Variants in CPA5 observed in about 807,000 individuals in gnomAD.
CPA5 encodes the protein carboxypeptidase A5.
Under a neutral mutation model 52.2 loss-of-function variants are expected in CPA5, and 38 were observed. The observed-to-expected ratio is 0.73, with a 90% CI of 0.56 to 0.95. The LOEUF (loss-of-function observed/expected upper bound fraction) is 0.95. CPA5 is among the 40% of genes least tolerant of loss of function. CPA5 has a pLI of 0.00. For missense variants in CPA5, 519 were observed against 566.7 expected (o/e 0.92, Z 0.86); for synonymous variants, 198 against 213.7 (o/e 0.93, Z 0.64).
chr7:130,369,465 G>C (rs1167796479), downstream of CPA5, among the ~76,000 whole-genome samples: 13 of 152,220 alleles, frequency 8.5e-5, no homozygotes, highest in African/African-American at 2.9e-4. Flanking sequence ...CTGGCAGGCT[G>C]TACTATGCAG....
intron 5 of CPA5, among the ~76,000 whole-genome samples, chr7:130,357,862 G>C (rs1211357890): frequency 1.3e-5 from 2 of 151,916 alleles, no homozygotes; most frequent in Non-Finnish European, 2.9e-5. Flanking sequence ...GTTTTTAGCT[G>C]TTGTTAACAC....
downstream of CPA5, among the ~76,000 whole-genome samples, chr7:130,373,310 A>G (rs747632882): frequency 1.4e-4 from 21 of 151,344 alleles, no homozygotes; most frequent in Non-Finnish European, 2.7e-4. Flanking sequence ...TCTTTTTCCA[A>G]CAAACTGCTC....
At chr7:130,362,842 G>A in intron 8 of CPA5, 42 bp from the exon 9 acceptor site, 1 of 1,332,742 alleles carries the variant, frequency 7.5e-7, no homozygotes, top group Non-Finnish European at 1.1e-6. Flanking sequence ...CCTCCCAGGA[G>A]ACCCAGTAGG....
intron 10 of CPA5, among the ~76,000 whole-genome samples, chr7:130,365,706 T>C (rs1181027884): frequency 6.6e-6 from 1 of 152,244 alleles, no homozygotes; most frequent in Non-Finnish European, 1.5e-5. Flanking sequence ...CCAGAACTAA[T>C]GGCCTAAAGT....
chr7:130,348,920 A>C (rs543094589), intron 4 of CPA5, among the ~76,000 whole-genome samples: 320 of 152,244 alleles, frequency 2.1e-3, no homozygotes, highest in African/African-American at 7.3e-3. Flanking sequence ...AGTGTGATGA[A>C]GTCTCGCACC....
intron 5 of CPA5, among the ~76,000 whole-genome samples, chr7:130,358,109 C>A (rs188366274): frequency 6.6e-6 from 1 of 151,978 alleles, no homozygotes; most frequent in Non-Finnish European, 1.5e-5. Flanking sequence ...AGTCCTCCTG[C>A]CTCAGCTTAA....
downstream of CPA5, among the ~76,000 whole-genome samples, chr7:130,372,473 G>T (rs1275211167): frequency 6.6e-6 from 1 of 152,158 alleles, no homozygotes; most frequent in Non-Finnish European, 1.5e-5. Context: ...AGTGACTCCT[G>T]GGTATACTGG....
intron 10 of CPA5, among the ~76,000 whole-genome samples, chr7:130,366,616 C>G (rs1355870516): frequency 6.6e-6 from 1 of 152,228 alleles, no homozygotes; most frequent in Non-Finnish European, 1.5e-5. Context: ...CTCTGGCTCC[C>G]AGAACAGCCT....
chr7:130,374,282 G>A, the CPA5 span, among the ~76,000 whole-genome samples: 1 of 152,108 alleles, frequency 6.6e-6, no homozygotes, highest in Non-Finnish European at 1.5e-5. Context: ...CTGTGGAGGG[G>A]GCCCCTGAAG....
At chr7:130,349,529 A>G (rs1554403296) in intron 4 of CPA5, among the ~76,000 whole-genome samples, 1 of 152,230 alleles carries the variant, frequency 6.6e-6, no homozygotes, top group African/African-American at 2.4e-5. Flanking sequence ...ACTATTGTCA[A>G]TAATAATTTA....
chr7:130,364,953 C>A (rs1320991136), intron 10 of CPA5, among the ~76,000 whole-genome samples: 3 of 152,218 alleles, frequency 2.0e-5, no homozygotes, highest in Non-Finnish European at 4.4e-5. Flanking sequence ...GCCCTCGGCC[C>A]CCAGACATGG....
chr7:130,354,463 G>A lies in CPA5; in HGVS notation c.333+4354G>A, dbSNP rs561483567. ...GGCTGGAGTACAGTGGCATGATCTC[G>A]GCTCACTGCAGCCTCCACCTCCCAG... is the stretch of plus-strand genomic sequence containing the variant. On this transcript the variant is annotated intron_variant, in intron 5 of 12. Transcript: ENST00000474905. Among the ~76,000 whole-genome samples the A allele has an allele frequency of 2.6e-5, 4 of 151,978 alleles. No homozygotes were observed. The South Asian group carries it at 8.3e-4, about 32-fold the overall frequency.
downstream of CPA5, chr7:130,368,767 C>T (rs150441428): frequency 5.3e-4 from 343 of 650,418 alleles, 5 homozygotes; most frequent in East Asian, 7.3e-3. Flanking sequence ...CCCCTATGGG[C>T]TCAGCACTGA....
At chr7:130,365,179 G>A (rs960452672) in intron 10 of CPA5, among the ~76,000 whole-genome samples, 3 of 152,302 alleles carry the variant, frequency 2.0e-5, no homozygotes, top group East Asian at 3.9e-4. Context: ...TGGCCCTAGC[G>A]TGGGGGTTGT....
In CPA5 at chr7:130,349,957, C is replaced by A; in HGVS notation, c.199-18C>A. Reference sequence around the variant, plus strand: ...GACATGGAGTAATGCAGCTCTCTCTCTTTCCTTGGTGAACAAGGTGGACTT... The same window carrying A: ...GACATGGAGTAATGCAGCTCTCTCTATTTCCTTGGTGAACAAGGTGGACTT... On this transcript the variant is annotated intron_variant, in intron 4 of 12. Coordinates refer to ENST00000474905, the MANE Select transcript of CPA5 (RefSeq NM_080385.5). 6.2e-7 allele frequency: 1 copy of A among 1,608,858 alleles called. No individual in the cohort carries two copies. Among genetic ancestry groups the A allele is most frequent in the Middle Eastern group, 1.7e-4 (1 of 6,002 alleles).
At chr7:130,364,259 C>T (rs1269413131) in intron 10 of CPA5, among the ~76,000 whole-genome samples, 1 of 152,164 alleles carries the variant, frequency 6.6e-6, no homozygotes, top group Admixed American at 6.5e-5. Flanking sequence ...GTGGCGTGAT[C>T]TTGGCTCACT....
chr7:130,357,950 CTCTGTGTGTGTG>C (rs1354802088), intron 5 of CPA5, among the ~76,000 whole-genome samples: 2 of 77,952 alleles, frequency 2.6e-5, no homozygotes, highest in East Asian at 8.7e-4. Context: ...GTTTTTGTGC[CTCTGTGTGTGTG>C]TGTGTGTGTG....
At chr7:130,368,081 A>G in intron 12 of CPA5, 91 bp downstream of exon 12, 1 of 1,222,712 alleles carries the variant, frequency 8.2e-7, no homozygotes, top group Non-Finnish European at 1.2e-6. Flanking sequence ...GTGCTGGCCC[A>G]AAGCTGCCTC....
At position 130,346,422 on chromosome 7, in the gene CPA5, C is replaced by T; in HGVS notation, c.-64C>T. On this transcript the variant is annotated 5_prime_UTR_variant, in exon 3 of 13. Coordinates refer to ENST00000474905, the MANE Select transcript of CPA5 (RefSeq NM_080385.5). ...GGCTTTCCAGCCTCTAGGTGCTGTG[C>T]TGTCCTGAGGCCTGGGCCATGGTGC... 1 of 1,226,376 alleles carries T rather than the reference C, an allele frequency of 8.2e-7. No homozygotes were observed. Among genetic ancestry groups the T allele is most frequent in the African/African-American group, 1.5e-5 (1 of 67,526 alleles). The allele number at this position is 1,226,376 out of a possible 1,614,324, so 76.0% of individuals were successfully genotyped here.
Sources: allele counts gnomAD v4.1 joint callset (sites outside exome capture counted in the v4.1 genomes callset), GRCh38; gene constraint gnomAD v4.1.1; transcripts MANE v1.5; gene names NCBI Gene and HGNC (gene_info 2026-07-23, HGNC 2026-07-21).